Variants in BCL11B observed in about 807,000 individuals in gnomAD.
The protein encoded by BCL11B is B-cell lymphoma/leukemia 11B.
A neutral mutation model predicts 49.9 loss-of-function variants in BCL11B; 8 were observed. The ratio of observed to expected loss-of-function variants is 0.16; its 90% CI spans 0.09 to 0.29. BCL11B has a LOEUF of 0.29. Ranked by LOEUF, BCL11B falls within the 10% of genes least tolerant of loss-of-function variation. BCL11B has a pLI of 1.00. For missense variants in BCL11B, 1,006 were observed against 1,351.0 expected, an observed-to-expected ratio of 0.74 and a Z score of 4.00; for synonymous variants, 739 against 637.4, an observed-to-expected ratio of 1.16 and a Z score of -2.40.
At chr14:99,239,194 C>T (rs1888592779) in intron 2 of BCL11B, among the ~76,000 whole-genome samples, 1 of 152,186 alleles carries the variant, frequency 6.6e-6, no homozygotes, top group African/African-American at 2.4e-5. Context: ...GTTTTCTGAT[C>T]AGAGGTGTGG....
At position 99,241,895 on chromosome 14, in the gene BCL11B, A is replaced by G. The variant is rs1216826164; in HGVS notation, c.428-10338T>C. Among the ~76,000 whole-genome samples the G allele has an allele frequency of 6.6e-6, 1 of 152,214 alleles. No homozygotes were observed. Among genetic ancestry groups the G allele is most frequent in the Non-Finnish European group, 1.5e-5 (1 of 68,036 alleles). On this transcript the variant is annotated intron_variant, in intron 2 of 3. Transcript: ENST00000357195. The surrounding 1 kb of genome is among the most constrained non-coding windows in gnomAD (Gnocchi z 4.4). Reference sequence around the variant, plus strand: ...AAAAGCAGGTAGGAAGCAAATGCTGAGAAATAAGGAAGTAAAAACAGCCAA... The same window carrying G: ...AAAAGCAGGTAGGAAGCAAATGCTGGGAAATAAGGAAGTAAAAACAGCCAA...
rs757505754 is a variant in BCL11B at position 99,174,131 on chromosome 14, G to C, written c.*20C>G. 38 of 1,605,598 alleles carry C rather than the reference G, an allele frequency of 2.4e-5. No homozygotes were observed. The highest frequency in any genetic ancestry group is 3.2e-5 in the Non-Finnish European group (38 of 1,178,192). ...GCAACGGTTCCACTGTACAGGTGCG[G>C]GGCGCCGGGGCCCGCGCGCTTAGCT... is the stretch of plus-strand genomic sequence containing the variant. On this transcript the variant is annotated 3_prime_UTR_variant, in exon 4 of 4. Coordinates refer to ENST00000357195, the MANE Select transcript of BCL11B (RefSeq NM_138576.4).
intron 3 of BCL11B, among the ~76,000 whole-genome samples, chr14:99,183,698 G>A (rs964461702): frequency 2.0e-5 from 3 of 151,950 alleles, no homozygotes; most frequent in African/African-American, 4.8e-5. Context: ...CTGGGTACAC[G>A]GGAGGTGACA....
intron 3 of BCL11B, among the ~76,000 whole-genome samples, chr14:99,183,770 A>G (rs74080337): frequency 0.07 from 10,626 of 151,792 alleles, 466 homozygotes; most frequent in Non-Finnish European, 0.097. Context: ...AAGTCCCACC[A>G]AGACAAGGAC....
At chr14:99,239,240 A>C (rs1378572435) in intron 2 of BCL11B, among the ~76,000 whole-genome samples, 1 of 152,208 alleles carries the variant, frequency 6.6e-6, no homozygotes, top group Non-Finnish European at 1.5e-5. Flanking sequence ...CTGTTTTCTA[A>C]GACAATTTAA....
At position 99,176,080 on chromosome 14, in the gene BCL11B, G is replaced by C; in HGVS notation, c.756C>G (p.Pro252=). 6.2e-7 allele frequency: 1 copy of C among 1,607,204 alleles called. No homozygotes were observed. Among genetic ancestry groups the C allele is most frequent in the Non-Finnish European group, 8.5e-7 (1 of 1,176,716 alleles). ...GCGTGAGCGAGCTGCTGGCCGGCCC[G>C]GGCTCCAGGTAGATGCGGAAGCCGT... ...NTHGFRIYLE[P]GPASSSLTPR... Residue 252 remains proline (P), a synonymous_variant, in exon 4 of 4, where the codon CCC becomes CCG. Coordinates refer to ENST00000357195, the MANE Select transcript of BCL11B (RefSeq NM_138576.4).
chr14:99,176,279 G>A (rs1202511989), intron 3 of BCL11B, 84 bp from the exon 4 acceptor site: 13 of 1,298,540 alleles, frequency 1.0e-5, no homozygotes, highest in Non-Finnish European at 1.4e-5. Flanking sequence ...CTGGCCTGGG[G>A]GACGCGGCCC....
chr14:99,181,314 C>T (rs1886694690), intron 3 of BCL11B, among the ~76,000 whole-genome samples: 1 of 152,244 alleles, frequency 6.6e-6, no homozygotes, highest in Admixed American at 6.5e-5. Context: ...CTAGGCGTGG[C>T]ATTTCCCATG....
intron 3 of BCL11B, among the ~76,000 whole-genome samples, chr14:99,218,203 C>A (rs1189024043): frequency 6.8e-6 from 1 of 147,624 alleles, no homozygotes; most frequent in Non-Finnish European, 1.5e-5. Flanking sequence ...GTAGCTGGGA[C>A]TACAGGCACC....
chr14:99,175,762 C>T lies in BCL11B; in HGVS notation c.1074G>A (p.Ser358=), dbSNP rs920188504. 4.8e-6 allele frequency: 7 copies of T among 1,459,228 alleles called. No homozygotes were observed. Among genetic ancestry groups the T allele is most frequent in the Non-Finnish European group, 6.2e-6 (7 of 1,120,080 alleles). The allele number at this position is 1,459,228 out of a possible 1,614,324, so 90.4% of individuals were successfully genotyped here. The part of the protein sequence containing the change: ...VMRLNPMAID[S]PAMDFSRRLR... ...GCCGCCGCGAGAAGTCCATGGCGGG[C>T]GAGTCGATGGCCATGGGGTTCAGGC... The change falls in exon 4 of 4, where the codon TCG becomes TCA. Residue 358 remains serine (S), a synonymous_variant. Transcript: ENST00000357195.
chr14:99,208,646 C>G (rs1198227659), intron 3 of BCL11B, among the ~76,000 whole-genome samples: 4 of 152,228 alleles, frequency 2.6e-5, no homozygotes, highest in African/African-American at 9.6e-5. Flanking sequence ...TAGCTAATAA[C>G]ACTGCCTCCC....
At position 99,231,531 on chromosome 14, in the gene BCL11B, C is replaced by A; in HGVS notation, c.454G>T (p.Ala152Ser). 1.3e-6 allele frequency: 2 copies of A among 1,589,864 alleles called. No individual in the cohort carries two copies. The highest frequency in any genetic ancestry group is 1.7e-6 in the Non-Finnish European group (2 of 1,168,298). The change falls in exon 3 of 4, where the codon GCG becomes TCG. Residue 152 changes from alanine to serine, a missense_variant. By Grantham distance (99) the Ala-to-Ser change is moderately conservative. Around this residue, in one of 6 missense-constraint regions of BCL11B, gnomAD observed 411 missense variants for 542.2 expected, o/e 0.76. Transcript: ENST00000357195. The surrounding 1 kb of genome is among the most constrained non-coding windows in gnomAD (Gnocchi z 8.1). ...AGPCRPAQLP[A>S]VAPIAASSHP... ...GAGGAGGCAGCTATGGGGGCCACCGCTGGCAGCTGGGCAGGCCTGCACGGC... is the reference window on the plus strand; with the variant it reads ...GAGGAGGCAGCTATGGGGGCCACCGATGGCAGCTGGGCAGGCCTGCACGGC...
Position 99,262,647 on chromosome 14 carries a change from C to T in BCL11B, c.59-4808G>A, listed in dbSNP as rs1241896575. Among the ~76,000 whole-genome samples, 1 of 152,162 alleles carries T rather than the reference C, an allele frequency of 6.6e-6. No individual in the cohort carries two copies. Among genetic ancestry groups the T allele is most frequent in the African/African-American group, 2.4e-5 (1 of 41,424 alleles). On this transcript the variant is annotated intron_variant, in intron 1 of 3. Transcript: ENST00000357195. The surrounding 1 kb of genome is among the most constrained non-coding windows in gnomAD (Gnocchi z 4.2). ...CTGGAGACTTTACACCTGCTTCCTA[C>T]GAAGAGGGAGCTCTTGCCAGCGAGC...
rs919165055 is a variant in BCL11B at position 99,170,260 on chromosome 14, C to G, written c.*3891G>C. 7 of 221,804 alleles carry G rather than the reference C, an allele frequency of 3.2e-5. No homozygotes were observed. The highest frequency in any genetic ancestry group is 1.1e-4 in the African/African-American group (5 of 44,686). 13.7% of individuals were successfully genotyped at this position (221,804 alleles called of 1,614,324 possible). On this transcript the variant is annotated 3_prime_UTR_variant, in exon 4 of 4. Transcript: ENST00000357195. ...CAGCTTTCTCTCCCATTCCCTCCCC[C>G]CTTTTTTTTAACTTTGCAAAGGTAA...
chr14:99,238,089 C>T (rs1176658278), intron 2 of BCL11B, among the ~76,000 whole-genome samples: 1 of 152,128 alleles, frequency 6.6e-6, no homozygotes, highest in African/African-American at 2.4e-5. Context: ...TATCCACCTG[C>T]ACCCACCGTG....
In BCL11B at chr14:99,213,608, C is replaced by G. The variant is rs1029171271; in HGVS notation, c.640+17737G>C. ...CAAAAGTACAAATGCAGAACCCCAG[C>G]CGGTGCCTGTCTCCCACACTCCCGG... On this transcript the variant is annotated intron_variant, in intron 3 of 3. Transcript: ENST00000357195. This position sits in a 1 kb window ranked among gnomAD's most constrained non-coding sequence, Gnocchi z 5.1. Among the ~76,000 whole-genome samples the G allele has an allele frequency of 1.2e-4, 18 of 152,190 alleles. No homozygotes were observed. The highest frequency in any genetic ancestry group is 4.3e-4 in the African/African-American group (18 of 41,436).
intron 3 of BCL11B, among the ~76,000 whole-genome samples, chr14:99,218,166 C>T (rs1008047715): frequency 3.4e-5 from 5 of 148,750 alleles, no homozygotes; most frequent in South Asian, 2.2e-4. Context: ...CCCAGGTTCA[C>T]GCCATTCTCC....
chr14:99,194,629 A>G lies in BCL11B; in HGVS notation c.641-18434T>C, dbSNP rs910641652. ...CGGTGTGAAAGGCCTTGTCTGCAAA[A>G]TGGCCCCCAGAGGAAGCTAATATTT... On this transcript the variant is annotated intron_variant, in intron 3 of 3. Coordinates refer to ENST00000357195, the MANE Select transcript of BCL11B (RefSeq NM_138576.4). This position sits in a 1 kb window ranked among gnomAD's most constrained non-coding sequence, Gnocchi z 4.6. Among the ~76,000 whole-genome samples the G allele has an allele frequency of 6.6e-6, 1 of 152,208 alleles. No homozygotes were observed. The highest frequency in any genetic ancestry group is 1.5e-5 in the Non-Finnish European group (1 of 68,022).
chr14:99,194,591 T>G lies in BCL11B; in HGVS notation c.641-18396A>C, dbSNP rs1490199920. 6.6e-6 allele frequency among the ~76,000 whole-genome samples: 1 copy of G among 152,238 alleles called. No homozygotes were observed. Among genetic ancestry groups the G allele is most frequent in the Admixed American group, 6.5e-5 (1 of 15,286 alleles). On this transcript the variant is annotated intron_variant, in intron 3 of 3. Transcript: ENST00000357195. This position sits in a 1 kb window ranked among gnomAD's most constrained non-coding sequence, Gnocchi z 4.6. ...CCCTGGGGAAGGTGCTTAACTTCTCTGAATCTGTCCTTCGGTGTGAAAGGC... is the reference window on the plus strand; with the variant it reads ...CCCTGGGGAAGGTGCTTAACTTCTCGGAATCTGTCCTTCGGTGTGAAAGGC...
Sources: gnomAD v4.1 joint callset for allele counts (sites outside exome capture counted in the v4.1 genomes callset) on GRCh38, gnomAD v4.1.1 for gene constraint, gnomAD v4.1.1 regional missense constraint, Gnocchi (gnomAD v3.1) non-coding constraint, MANE v1.5 for transcripts, NCBI Gene and HGNC (gene_info 2026-07-23, HGNC 2026-07-21) for gene names.